The following STK3 variants were observed in gnomAD, a reference collection of about 807,000 sequenced individuals.
The protein encoded by STK3 is serine/threonine kinase 3.
STK3 carries 41 observed loss-of-function variants against 58.0 expected under a neutral mutation model. The ratio of observed to expected loss-of-function variants is 0.71; its 90% CI spans 0.55 to 0.92. STK3 has a LOEUF of 0.92. Among genes scored for constraint, STK3 ranks in the 40% least tolerant of loss-of-function variants. The pLI is 0.00. For synonymous variants in STK3, 170 were observed against 191.0 expected (o/e 0.89, Z 0.91); for missense variants, 479 against 602.7 (o/e 0.79, Z 2.15).
intron 6 of STK3, among the ~76,000 whole-genome samples, chr8:98,700,085 C>A (rs1057448654): frequency 6.6e-6 from 1 of 152,234 alleles, no homozygotes; most frequent in Admixed American, 6.5e-5. Flanking sequence ...GCCCCTCCCC[C>A]AGCCTCGCTG....
chr8:98,722,243 G>GA (rs1827485988), intron 4 of STK3, among the ~76,000 whole-genome samples: 1 of 152,062 alleles, frequency 6.6e-6, no homozygotes, highest in Admixed American at 6.6e-5. Flanking sequence ...ACTACAATAA[G>GA]AAAAATGACA....
At chr8:98,932,806 C>T (rs1476587754) in intron 1 of STK3, among the ~76,000 whole-genome samples, 2 of 152,168 alleles carry the variant, frequency 1.3e-5, no homozygotes, top group Non-Finnish European at 2.9e-5. Flanking sequence ...AATTCTGATA[C>T]TCAGAGGCTA....
rs939773286 is a variant in STK3 at position 98,885,050 on chromosome 8, C to G, written c.-78-1216G>C. Among the ~76,000 whole-genome samples the G allele has an allele frequency of 4.6e-5, 7 of 152,198 alleles. No individual in the cohort carries two copies. In the East Asian group the frequency reaches 1.3e-3, roughly 29 times the overall value. On this transcript the variant is annotated intron_variant, in intron 1 of 1. Transcript: ENST00000519420. ...ATAAATCTCAAACAAATGAACTACC[C>G]TGTTAACAATGAGGAATGTGTTAGC...
intron 6 of STK3, among the ~76,000 whole-genome samples, chr8:98,650,734 T>C (rs1820834685): frequency 1.3e-5 from 2 of 152,240 alleles, no homozygotes; most frequent in South Asian, 2.1e-4. Flanking sequence ...GTCTCGCTGA[T>C]TGCTAGGACA....
At chr8:98,791,568 C>G (rs2442014) in intron 1 of STK3, among the ~76,000 whole-genome samples, 5 of 152,024 alleles carry the variant, frequency 3.3e-5, no homozygotes, top group African/African-American at 1.2e-4. Context: ...TGATTTCAAA[C>G]TATACTCTAA....
At chr8:98,557,563 T>C (rs895666226) in intron 8 of STK3, among the ~76,000 whole-genome samples, 2 of 152,104 alleles carry the variant, frequency 1.3e-5, no homozygotes, top group African/African-American at 2.4e-5. Context: ...ACATCAAAAA[T>C]AGTCTCTTTC....
chr8:98,924,376 G>T (rs1169864238), intron 1 of STK3, among the ~76,000 whole-genome samples: 2 of 152,206 alleles, frequency 1.3e-5, no homozygotes, highest in South Asian at 2.1e-4. Context: ...AAAAAGAAAT[G>T]ACAAGGTTGT....
intron 1 of STK3, among the ~76,000 whole-genome samples, chr8:98,940,814 G>A (rs1170579385): frequency 6.6e-6 from 1 of 152,198 alleles, no homozygotes; most frequent in Non-Finnish European, 1.5e-5. Context: ...TCGTGGGTCC[G>A]AAAAATCCGT....
At chr8:98,500,692 AATG>A (rs1303966284) in intron 10 of STK3, among the ~76,000 whole-genome samples, 1 of 152,116 alleles carries the variant, frequency 6.6e-6, no homozygotes, top group Non-Finnish European at 1.5e-5. Context: ...GTTTGCTCAG[AATG>A]ATGGTTTCCA....
intron 6 of STK3, chr8:98,633,824 C>T (rs1819434483): frequency 2.2e-6 from 1 of 457,018 alleles, no homozygotes; most frequent in Non-Finnish European, 4.1e-6. Flanking sequence ...TCCCTAACTT[C>T]AAATTTGAAG....
chr8:98,583,118 T>G (rs1312638424), intron 7 of STK3, among the ~76,000 whole-genome samples: 1 of 143,026 alleles, frequency 7.0e-6, no homozygotes, highest in African/African-American at 2.6e-5. Flanking sequence ...TGTTTTTAAC[T>G]TTTTTTTTTA....
At chr8:98,879,875 ATAAATCAAT>A (rs1322162063), downstream of STK3, 1 of 152,244 alleles carries the variant, frequency 6.6e-6, no homozygotes, top group East Asian at 1.9e-4. Context: ...AAGCAAGATA[ATAAATCAAT>A]TTGCTGTTTC....
chr8:98,590,462 G>A (rs768596288), intron 7 of STK3, among the ~76,000 whole-genome samples: 2 of 152,180 alleles, frequency 1.3e-5, no homozygotes, highest in East Asian at 1.9e-4. Flanking sequence ...GAGTTCCAGG[G>A]GCTCTGGGAG....
chr8:98,722,827 A>T (rs1424499993), intron 4 of STK3: 2 of 474,954 alleles, frequency 4.2e-6, no homozygotes, highest in Non-Finnish European at 4.1e-6. Flanking sequence ...TACTGAAAAC[A>T]CCAAGAGGGA....
intron 4 of STK3, among the ~76,000 whole-genome samples, chr8:98,727,083 T>C (rs1174812630): frequency 6.6e-6 from 1 of 152,138 alleles, no homozygotes; most frequent in Non-Finnish European, 1.5e-5. Flanking sequence ...AATCACTACT[T>C]CTCCATTCTC....
intron 3 of STK3, among the ~76,000 whole-genome samples, chr8:98,835,014 A>G (rs1835696060): frequency 6.6e-6 from 1 of 152,192 alleles, no homozygotes. Flanking sequence ...TTTTGTTTGT[A>G]TCACAAAGTT....
chr8:98,487,894 T>C (rs957496441), intron 10 of STK3, among the ~76,000 whole-genome samples: 5 of 152,224 alleles, frequency 3.3e-5, no homozygotes, highest in African/African-American at 1.2e-4. Flanking sequence ...AGTTACTTAA[T>C]TTAGATAATC....
chr8:98,410,460 G>A (rs1473916650), intron 3 of STK3, among the ~76,000 whole-genome samples: 1 of 152,128 alleles, frequency 6.6e-6, no homozygotes, highest in Non-Finnish European at 1.5e-5. Context: ...AGACCTTAAC[G>A]AATATTTGTT....
At chr8:98,470,127 G>A (rs1234884912) in intron 10 of STK3, among the ~76,000 whole-genome samples, 1 of 152,160 alleles carries the variant, frequency 6.6e-6, no homozygotes, top group Non-Finnish European at 1.5e-5. Context: ...CAGAGTAGCG[G>A]TGCAATACCA....
Sources: allele counts gnomAD v4.1 joint callset (sites outside exome capture counted in the v4.1 genomes callset), GRCh38; gene constraint gnomAD v4.1.1; transcripts MANE v1.5; gene names NCBI Gene and HGNC (gene_info 2026-07-23, HGNC 2026-07-21).